Variants in ATRN observed in about 807,000 individuals in gnomAD.
ATRN encodes the protein attractin-2.
ATRN carries 54 observed loss-of-function variants against 178.7 expected under a neutral mutation model. The ratio of observed to expected loss-of-function variants is 0.30; its 90% confidence interval spans 0.24 to 0.38. The LOEUF (loss-of-function observed/expected upper bound fraction) is 0.38. Among genes scored for constraint, ATRN ranks in the 10% least tolerant of loss-of-function variants. The pLI is 1.00. For synonymous variants in ATRN, 636 were observed against 663.0 expected (o/e 0.96, Z 0.63); for missense variants, 1,443 against 1,815.1 (o/e 0.79, Z 3.73).
At chr20:3,618,204 A>G (rs543819645) in intron 24 of ATRN, among the ~76,000 whole-genome samples, 57 of 152,118 alleles carry the variant, frequency 3.7e-4, no homozygotes, top group Non-Finnish European at 6.2e-4. Flanking sequence ...GAACTAACAG[A>G]GGCACTAAGA....
chr20:3,621,156 G>A (rs748398207), intron 24 of ATRN, among the ~76,000 whole-genome samples: 3 of 152,068 alleles, frequency 2.0e-5, no homozygotes, highest in East Asian at 1.9e-4. Flanking sequence ...GTGAGGGAGC[G>A]TAGAGGAGAG....
At chr20:3,546,386 A>G (rs915333526) in intron 4 of ATRN, among the ~76,000 whole-genome samples, 1 of 144,990 alleles carries the variant, frequency 6.9e-6, no homozygotes, top group Non-Finnish European at 1.5e-5. Flanking sequence ...TTATAGTTCA[A>G]CTGTTTTTTT....
intron 1 of ATRN, among the ~76,000 whole-genome samples, chr20:3,481,587 CCT>C (rs1224250739): frequency 6.6e-6 from 1 of 152,132 alleles, no homozygotes; most frequent in African/African-American, 2.4e-5. Flanking sequence ...TTCAAGCAAT[CCT>C]CTCATCTGCG....
intron 6 of ATRN, among the ~76,000 whole-genome samples, chr20:3,556,571 T>C (rs1156903571): frequency 1.3e-5 from 2 of 152,138 alleles, no homozygotes; most frequent in Non-Finnish European, 2.9e-5. Context: ...TCGAGGGAGG[T>C]GCTGTCACTC....
At chr20:3,537,781 A>T (rs2085560184) in intron 2 of ATRN, among the ~76,000 whole-genome samples, 1 of 151,452 alleles carries the variant, frequency 6.6e-6, no homozygotes, top group Admixed American at 6.6e-5. Context: ...CTGTCCCTGC[A>T]ATAGTTTGCT....
intron 1 of ATRN, among the ~76,000 whole-genome samples, chr20:3,496,841 G>A (rs2084887210): frequency 1.3e-5 from 2 of 150,510 alleles, no homozygotes; most frequent in African/African-American, 2.4e-5. Context: ...GAATCTGGGT[G>A]CTCCTGTATT....
chr20:3,583,066 C>T (rs1435500880), intron 16 of ATRN, among the ~76,000 whole-genome samples: 4 of 152,186 alleles, frequency 2.6e-5, no homozygotes, highest in African/African-American at 9.7e-5. Flanking sequence ...GCATTGTGTC[C>T]AATTTTGGGA....
intron 24 of ATRN, among the ~76,000 whole-genome samples, chr20:3,623,165 T>C (rs923144366): frequency 7.2e-5 from 11 of 152,274 alleles, no homozygotes; most frequent in African/African-American, 2.7e-4. Flanking sequence ...AAAATGACCT[T>C]GTTTATATAA....
At chr20:3,610,567 A>ATTTTTTTTT in intron 24 of ATRN, among the ~76,000 whole-genome samples, 1 of 93,650 alleles carries the variant, frequency 1.1e-5, no homozygotes, top group Non-Finnish European at 2.0e-5. Flanking sequence ...TTCCAGCTGA[A>ATTTTTTTTT]TTTTTTTTTT....
In ATRN at chr20:3,650,309, A is replaced by G. The variant is rs1377963255; in HGVS notation, c.*3462A>G. 1 of 152,666 alleles carries G rather than the reference A, an allele frequency of 6.6e-6. No individual in the cohort carries two copies. Among genetic ancestry groups the G allele is most frequent in the Non-Finnish European group, 1.5e-5 (1 of 68,042 alleles). 9.5% of individuals were successfully genotyped at this position (152,666 alleles called of 1,614,324 possible). ...TTCCATTTCATTTATTCATCCATCC[A>G]TTCAACAAGTATTTGCTAAACACTA... On this transcript the variant is annotated 3_prime_UTR_variant, in exon 29 of 29. Coordinates refer to ENST00000262919, the MANE Select transcript of ATRN (RefSeq NM_139321.3).
intron 2 of ATRN, among the ~76,000 whole-genome samples, chr20:3,536,493 G>A (rs969244930): frequency 6.6e-6 from 1 of 152,210 alleles, no homozygotes; most frequent in Non-Finnish European, 1.5e-5. Context: ...TTACAGGAGT[G>A]AGCCACTGCA....
At chr20:3,479,392 G>C (rs948159680) in intron 1 of ATRN, among the ~76,000 whole-genome samples, 1 of 152,108 alleles carries the variant, frequency 6.6e-6, no homozygotes, top group African/African-American at 2.4e-5. Flanking sequence ...TAAAAATACA[G>C]GCAATATGTG....
At position 3,545,898 on chromosome 20, in the gene ATRN, A is replaced by G. The variant is rs370853077; in HGVS notation, c.737+8A>G. On this transcript the variant is annotated splice_region_variant and intron_variant, in intron 4 of 28. Coordinates refer to ENST00000262919, the MANE Select transcript of ATRN (RefSeq NM_139321.3). ...ATTTAATATTACTTACAGGTAAGAT[A>G]CTTAAGTCTAGTATTTGTGATTTCA... 2 of 1,612,392 alleles carry G rather than the reference A, an allele frequency of 1.2e-6. No homozygotes were observed. The highest frequency in any genetic ancestry group is 2.7e-5 in the African/African-American group (2 of 74,884).
intron 1 of ATRN, among the ~76,000 whole-genome samples, chr20:3,487,922 C>G (rs2084718848): frequency 6.6e-6 from 1 of 152,160 alleles, no homozygotes. Context: ...AAGGGTTCCA[C>G]CCTTCTTGAA....
At chr20:3,511,911 A>G (rs2085133620) in intron 1 of ATRN, among the ~76,000 whole-genome samples, 1 of 151,840 alleles carries the variant, frequency 6.6e-6, no homozygotes, top group South Asian at 2.1e-4. Context: ...GTACAGCCTT[A>G]TAATTATTTC....
intron 1 of ATRN, among the ~76,000 whole-genome samples, chr20:3,480,700 T>C: frequency 6.6e-6 from 1 of 152,170 alleles, no homozygotes; most frequent in East Asian, 1.9e-4. Context: ...GTTCCCAAGA[T>C]GGGCAGATGC....
chr20:3,521,848 T>C (rs1354845769), intron 1 of ATRN, among the ~76,000 whole-genome samples: 1 of 152,204 alleles, frequency 6.6e-6, no homozygotes, highest in Admixed American at 6.5e-5. Flanking sequence ...AGTGTTGGGA[T>C]TGTAGCTCAC....
In ATRN at chr20:3,596,374, C is replaced by A. The variant is rs765948887; in HGVS notation, c.3417-3C>A. Reference sequence around the variant, plus strand: ...GTATAAAATAGTCTTTTTTCCCCCCCAGATGTGAGGTAGAAAATCGATACC... The same window carrying A: ...GTATAAAATAGTCTTTTTTCCCCCCAAGATGTGAGGTAGAAAATCGATACC... On this transcript the variant is annotated splice_polypyrimidine_tract_variant and splice_region_variant and intron_variant, in intron 20 of 28. Coordinates refer to ENST00000262919, the MANE Select transcript of ATRN (RefSeq NM_139321.3). 6.2e-7 allele frequency: 1 copy of A among 1,612,250 alleles called. No individual in the cohort carries two copies. Among genetic ancestry groups the A allele is most frequent in the Admixed American group, 1.7e-5 (1 of 59,870 alleles).
chr20:3,558,780 A>G (rs1481713365), intron 6 of ATRN, among the ~76,000 whole-genome samples: 3 of 152,244 alleles, frequency 2.0e-5, no homozygotes, highest in East Asian at 1.9e-4. Context: ...CAAAAACTCA[A>G]AAGTGAGTAC....
Sources: allele counts gnomAD v4.1 joint callset (sites outside exome capture counted in the v4.1 genomes callset), GRCh38; gene constraint gnomAD v4.1.1; transcripts MANE v1.5; gene names NCBI Gene and HGNC (gene_info 2026-07-23, HGNC 2026-07-21).